The following IQCJ variants were observed in gnomAD, a reference collection of about 807,000 sequenced individuals.
The protein encoded by IQCJ is IQ domain-containing protein J.
Under a neutral mutation model 11.0 loss-of-function variants are expected in IQCJ, and 9 were observed. That is an observed-to-expected ratio of 0.82 (90% CI 0.49 to 1.43). The LOEUF (loss-of-function observed/expected upper bound fraction) is 1.43, where lower values mean the gene tolerates loss of function less well. Ranked by LOEUF, IQCJ falls within the 40% of genes most tolerant of loss-of-function variation. The pLI, the probability that IQCJ is intolerant of heterozygous loss-of-function variation, is 0.00. For missense variants in IQCJ, 146 were observed against 133.2 expected, an observed-to-expected ratio of 1.10 and a Z score of -0.47; for synonymous variants, 55 against 51.3, an observed-to-expected ratio of 1.07 and a Z score of -0.31.
At chr3:159,250,171 A>G (rs1009206977) in intron 2 of IQCJ, among the ~76,000 whole-genome samples, 3 of 152,216 alleles carry the variant, frequency 2.0e-5, no homozygotes, top group Non-Finnish European at 2.9e-5. Context: ...ACAATTATTG[A>G]TGGAATGAAC....
At chr3:159,088,055 T>G (rs1457973935) in intron 1 of IQCJ, among the ~76,000 whole-genome samples, 1 of 152,222 alleles carries the variant, frequency 6.6e-6, no homozygotes, top group African/African-American at 2.4e-5. Flanking sequence ...TGTGGGCATT[T>G]AATGCTATAA....
At chr3:159,139,243 C>T (rs1484670423) in intron 1 of IQCJ, among the ~76,000 whole-genome samples, 1 of 151,852 alleles carries the variant, frequency 6.6e-6, no homozygotes, top group Non-Finnish European at 1.5e-5. Context: ...TAAGTTCTGT[C>T]AACAGTTTGG....
At chr3:159,093,205 T>C (rs1717465003) in intron 1 of IQCJ, among the ~76,000 whole-genome samples, 1 of 151,872 alleles carries the variant, frequency 6.6e-6, no homozygotes, top group Non-Finnish European at 1.5e-5. Context: ...TATAAACCTG[T>C]AGGATTCTTA....
At chr3:159,108,863 A>G (rs1209101910) in intron 1 of IQCJ, among the ~76,000 whole-genome samples, 1 of 152,210 alleles carries the variant, frequency 6.6e-6, no homozygotes, top group Non-Finnish European at 1.5e-5. Flanking sequence ...TCAGCTGTCT[A>G]GGAAACTACT....
chr3:159,205,047 G>C (rs1449456884), intron 1 of IQCJ, among the ~76,000 whole-genome samples: 1 of 152,156 alleles, frequency 6.6e-6, no homozygotes, highest in African/African-American at 2.4e-5. Context: ...GCAGCAAGTA[G>C]TTCTGCACCA....
intron 1 of IQCJ, among the ~76,000 whole-genome samples, chr3:159,087,181 G>A (rs1338610696): frequency 6.6e-6 from 1 of 152,142 alleles, no homozygotes; most frequent in African/African-American, 2.4e-5. Context: ...ATAATCGTGT[G>A]GTTTTTGTCT....
At chr3:159,069,476 A>G (rs1266964441) in intron 1 of IQCJ, 35 bp downstream of exon 1, 1 of 1,602,234 alleles carries the variant, frequency 6.2e-7, no homozygotes, top group Admixed American at 1.8e-5. Flanking sequence ...TGCCACTTTG[A>G]TGTGCATTAT....
At chr3:159,070,516 A>G (rs1715496473) in intron 1 of IQCJ, among the ~76,000 whole-genome samples, 2 of 152,152 alleles carry the variant, frequency 1.3e-5, no homozygotes, top group African/African-American at 2.4e-5. Flanking sequence ...GCTAATTATG[A>G]CTACAATGTG....
intron 1 of IQCJ, among the ~76,000 whole-genome samples, chr3:159,189,199 A>T (rs893917666): frequency 6.6e-6 from 1 of 152,200 alleles, no homozygotes; most frequent in Non-Finnish European, 1.5e-5. Flanking sequence ...AATAGTGACT[A>T]CGGGTAACTT....
At chr3:159,138,136 C>T (rs2108174321) in intron 1 of IQCJ, among the ~76,000 whole-genome samples, 1 of 152,282 alleles carries the variant, frequency 6.6e-6, no homozygotes, top group Middle Eastern at 3.4e-3. Flanking sequence ...GTGTTCCTGC[C>T]CCACAGCTCA....
intron 1 of IQCJ, among the ~76,000 whole-genome samples, chr3:159,127,679 T>C (rs1034517019): frequency 1.3e-5 from 2 of 152,216 alleles, no homozygotes; most frequent in African/African-American, 4.8e-5. Context: ...TGAGAAGAAG[T>C]GGCAATTAGA....
At chr3:159,174,749 T>C (rs183035227) in intron 1 of IQCJ, among the ~76,000 whole-genome samples, 2 of 152,214 alleles carry the variant, frequency 1.3e-5, no homozygotes, top group African/African-American at 4.8e-5. Context: ...TAATTTTGTT[T>C]CTCAAAATTT....
chr3:159,213,778 A>G (rs1034515102), intron 1 of IQCJ, among the ~76,000 whole-genome samples: 3 of 152,148 alleles, frequency 2.0e-5, no homozygotes, highest in African/African-American at 7.2e-5. Flanking sequence ...AGATTCAATC[A>G]CCTTCTTTCA....
At chr3:159,246,188 T>G (rs1727260089) in intron 2 of IQCJ, among the ~76,000 whole-genome samples, 1 of 152,206 alleles carries the variant, frequency 6.6e-6, no homozygotes, top group African/African-American at 2.4e-5. Context: ...CCTGTCTTAG[T>G]CTTTTAATCA....
chr3:159,173,991 A>G (rs1722638023), intron 1 of IQCJ, among the ~76,000 whole-genome samples: 1 of 151,960 alleles, frequency 6.6e-6, no homozygotes, highest in Non-Finnish European at 1.5e-5. Flanking sequence ...TCCTCCATTT[A>G]TATTTCTTTA....
rs376717550 is a variant in IQCJ at position 159,076,121 on chromosome 3, C to G, written c.9+6680C>G. Among the ~76,000 whole-genome samples the G allele has an allele frequency of 5.9e-5, 9 of 152,198 alleles. No individual in the cohort carries two copies. The East Asian group carries it at 1.7e-3, about 29-fold the overall frequency. The stretch of plus-strand genomic sequence containing the variant: ...TGATGGACTGATAATGAATTTCTCA[C>G]TGAGCTTAAAAATATGTTGCTACCA... On this transcript the variant is annotated intron_variant, in intron 1 of 3. Transcript: ENST00000397832.
intron 1 of IQCJ, among the ~76,000 whole-genome samples, chr3:159,140,144 T>C (rs942777354): frequency 6.6e-6 from 1 of 152,222 alleles, no homozygotes; most frequent in Admixed American, 6.5e-5. Flanking sequence ...GAGGCTACAC[T>C]GACACATCAT....
intron 1 of IQCJ, among the ~76,000 whole-genome samples, chr3:159,148,486 T>C (rs993103967): frequency 2.6e-5 from 4 of 152,260 alleles, no homozygotes; most frequent in Admixed American, 2.6e-4. Context: ...AAAAACTTCA[T>C]TTGGGATATT....
chr3:159,127,088 G>A (rs745517403), intron 1 of IQCJ, among the ~76,000 whole-genome samples: 1 of 152,198 alleles, frequency 6.6e-6, no homozygotes, highest in African/African-American at 2.4e-5. Context: ...GATGCTGACA[G>A]GTTTCTATTA....
Sources: allele counts gnomAD v4.1 joint callset (sites outside exome capture counted in the v4.1 genomes callset), GRCh38; gene constraint gnomAD v4.1.1; transcripts MANE v1.5; gene names NCBI Gene and HGNC (gene_info 2026-07-23, HGNC 2026-07-21).